The following CEP89 variants were observed in gnomAD, a reference collection of about 807,000 sequenced individuals.
CEP89 encodes centrosomal protein of 89 kDa.
In CEP89, 95 loss-of-function variants were observed where a neutral mutation model predicts 97.6. The observed-to-expected ratio is 0.97, with a 90% CI of 0.82 to 1.15. The LOEUF (loss-of-function observed/expected upper bound fraction) is 1.15. CEP89 is among the 50% of genes most tolerant of loss of function. The probability of loss-of-function intolerance (pLI) is 0.00; values close to 1 mark genes in which losing one functional copy is unlikely to be tolerated. For missense variants in CEP89, 869 were observed against 947.7 expected (o/e 0.92, Z 1.09); for synonymous variants, 354 against 349.1 (o/e 1.01, Z -0.16).
chr19:32,898,609 T>C (rs1027888330), intron 16 of CEP89, among the ~76,000 whole-genome samples: 1 of 152,108 alleles, frequency 6.6e-6, no homozygotes. Context: ...CAGCTGGGTG[T>C]GGTGGCTCAC....
chr19:32,931,091 T>C (rs936406659), intron 9 of CEP89: 1 of 341,696 alleles, frequency 2.9e-6, no homozygotes, highest in Non-Finnish European at 5.1e-6. Flanking sequence ...TGTCTCGCCA[T>C]GTCCCCCAGG....
intron 4 of CEP89, 140 bp downstream of exon 4, chr19:32,953,475 G>A: frequency 1.6e-6 from 1 of 625,102 alleles, no homozygotes; most frequent in Non-Finnish European, 2.8e-6. Context: ...AATGAGGCTG[G>A]ACACGTTTAA....
intron 7 of CEP89, among the ~76,000 whole-genome samples, chr19:32,934,435 G>A (rs1021942204): frequency 2.0e-5 from 3 of 152,182 alleles, no homozygotes; most frequent in Non-Finnish European, 1.5e-5. Context: ...CTGTTCCACG[G>A]GGAGATGTGC....
intron 8 of CEP89, 40 bp downstream of exon 8, chr19:32,933,411 C>T (rs1351486733): frequency 1.5e-6 from 2 of 1,333,340 alleles, no homozygotes; most frequent in African/African-American, 2.9e-5. Context: ...GAGTGAAGTC[C>T]TGCTCATTCC....
chr19:32,913,312 TG>T (rs56795584), intron 14 of CEP89, among the ~76,000 whole-genome samples: 3,754 of 64,044 alleles, frequency 0.059, 57 homozygotes, highest in African/African-American at 0.1. Flanking sequence ...TATATTTTTT[TG>T]TTGTTGTTGT....
At chr19:32,910,442 T>C (rs1158699036) in intron 14 of CEP89, among the ~76,000 whole-genome samples, 1 of 152,152 alleles carries the variant, frequency 6.6e-6, no homozygotes, top group African/African-American at 2.4e-5. Flanking sequence ...GCCTAGGACA[T>C]TACTGTACAC....
In CEP89 at chr19:32,926,190, C is replaced by G. The variant is rs1251248114; in HGVS notation, c.1164G>C (p.Lys388Asn). 3 of 1,608,110 alleles carry G rather than the reference C, an allele frequency of 1.9e-6. No homozygotes were observed. The highest frequency in any genetic ancestry group is 2.6e-6 in the Non-Finnish European group (3 of 1,174,910). The change falls in exon 11 of 19, where the codon AAG (lysine) becomes AAC (asparagine). Residue 388 changes from lysine (K) to asparagine (N), a missense_variant and splice_region_variant. Coordinates refer to ENST00000305768, the MANE Select transcript of CEP89 (RefSeq NM_032816.5). ...TCTTCTGGGACATTTGCCAGCCTAC[C>G]TTGAGGGTGGCATTGAGCTCGTCCT... Reference protein sequence around the residue: ...KEKDELNATLKEEMRMFRMRV... With the variant: ...KEKDELNATLNEEMRMFRMRV...
At chr19:32,880,639 T>TAAA (rs60785987) in intron 18 of CEP89, among the ~76,000 whole-genome samples, 4 of 137,712 alleles carry the variant, frequency 2.9e-5, no homozygotes, top group African/African-American at 1.1e-4. Flanking sequence ...ACCTTGTATT[T>TAAA]AAAAAAAAAA....
intron 16 of CEP89, among the ~76,000 whole-genome samples, chr19:32,891,837 A>G (rs74535259): frequency 0.081 from 12,286 of 151,028 alleles, 1,573 homozygotes; most frequent in African/African-American, 0.27. Flanking sequence ...GAGAGAGAGA[A>G]ACAGAGAGAG....
chr19:32,923,567 T>C (rs1970296135), intron 11 of CEP89, 25 bp from the exon 12 acceptor site: 2 of 1,368,296 alleles, frequency 1.5e-6, no homozygotes, highest in East Asian at 4.6e-5. Flanking sequence ...ACGTAAATTA[T>C]AACACACACA....
Position 32,923,432 on chromosome 19 carries a change from C to T in CEP89, c.1268+7G>A, listed in dbSNP as rs1970292276. 1.4e-6 allele frequency: 2 copies of T among 1,461,870 alleles called. No homozygotes were observed. Among genetic ancestry groups the T allele is most frequent in the Non-Finnish European group, 1.9e-6 (2 of 1,049,062 alleles). The allele number at this position is 1,461,870 out of a possible 1,614,324, so 90.6% of individuals were successfully genotyped here. ...TAGCAAAAGAGCAGAAACACAATGC[C>T]ACTTGCCATTCCTCACTGGTAACAG... On this transcript the variant is annotated splice_region_variant and intron_variant, in intron 12 of 18. Transcript: ENST00000305768.
At chr19:32,884,002 C>T (rs2145868377) in intron 17 of CEP89, among the ~76,000 whole-genome samples, 1 of 152,260 alleles carries the variant, frequency 6.6e-6, no homozygotes, top group East Asian at 1.9e-4. Context: ...GACAGGATCT[C>T]ACTATGTTGC....
chr19:32,910,314 G>GGAGA lies in CEP89; in HGVS notation c.1565+5019_1565+5022dup, dbSNP rs146865758. On this transcript the variant is annotated intron_variant, in intron 14 of 18. Coordinates refer to ENST00000305768, the MANE Select transcript of CEP89 (RefSeq NM_032816.5). The stretch of plus-strand genomic sequence containing the variant: ...GCGAGAGAGAGAGGGAGGGAGGGAG[G>GGAGA]GAGAGAGAGAGAGAGAGAAATGGTA... Among the ~76,000 whole-genome samples the GGAGA allele has an allele frequency of 3.0e-4, 35 of 117,850 alleles. No homozygotes were observed. In the East Asian group the frequency reaches 7.7e-3, roughly 26 times the overall value. 77.3% of individuals were successfully genotyped at this position (117,850 alleles called of 152,430 possible).
chr19:32,924,853 G>A (rs1392855945), intron 11 of CEP89, among the ~76,000 whole-genome samples: 5 of 152,170 alleles, frequency 3.3e-5, no homozygotes, highest in Non-Finnish European at 7.3e-5. Flanking sequence ...CTGAGCAGGT[G>A]CAAACAGAAA....
At chr19:32,953,855 A>T in intron 3 of CEP89, 54 bp from the exon 4 acceptor site, 2 of 1,145,992 alleles carry the variant, frequency 1.7e-6, no homozygotes, top group Non-Finnish European at 2.5e-6. Context: ...AACACTTGAC[A>T]CTGATAAATA....
At position 32,885,898 on chromosome 19, in the gene CEP89, CTAGCTGCATATCCCTTATTGCGCTGT is replaced by C. The variant is rs1162839811; in HGVS notation, c.1965+1828_1965+1853del. Among the ~76,000 whole-genome samples the C allele has an allele frequency of 4.1e-4, 62 of 152,326 alleles. 1 individual carries two copies. Among genetic ancestry groups the C allele is most frequent in the Non-Finnish European group, 1.5e-4 (10 of 68,036 alleles). ...ACTTTCCTGTCTGTCTTTCTCGGTTCTAGCTGCATATCCCTTATTGCGCTGTTATGACATCTGTCTCCATAGAATTC... is the reference window on the plus strand; with the variant it reads ...ACTTTCCTGTCTGTCTTTCTCGGTTCTATGACATCTGTCTCCATAGAATTC... On this transcript the variant is annotated intron_variant, in intron 17 of 18. Coordinates refer to ENST00000305768, the MANE Select transcript of CEP89 (RefSeq NM_032816.5).
chr19:32,931,714 ATG>A (rs1040325594), intron 8 of CEP89, 143 bp from the exon 9 acceptor site: 6 of 593,878 alleles, frequency 1.0e-5, no homozygotes, highest in East Asian at 3.2e-5. Context: ...CTGTGTGTGT[ATG>A]TGTGTCTGTG....
At chr19:32,912,655 A>G (rs1970025729) in intron 14 of CEP89, among the ~76,000 whole-genome samples, 1 of 152,166 alleles carries the variant, frequency 6.6e-6, no homozygotes, top group Admixed American at 6.5e-5. Flanking sequence ...TGCCAAAGAT[A>G]TGTTCTATTA....
intron 7 of CEP89, among the ~76,000 whole-genome samples, chr19:32,935,555 T>G (rs1483371356): frequency 6.6e-6 from 1 of 152,164 alleles, no homozygotes; most frequent in Non-Finnish European, 1.5e-5. Context: ...GGCGCAGAAG[T>G]TGGAGCCCCA....
Sources: allele counts gnomAD v4.1 joint callset (sites outside exome capture counted in the v4.1 genomes callset), GRCh38; gene constraint gnomAD v4.1.1; transcripts MANE v1.5; gene names NCBI Gene and HGNC (gene_info 2026-07-23, HGNC 2026-07-21).